Variants in PLCXD3 observed in about 807,000 individuals in gnomAD.
PLCXD3 encodes phosphatidylinositol specific phospholipase C X domain containing 3.
PLCXD3 carries 19 observed loss-of-function variants against 25.5 expected under a neutral mutation model. The observed-to-expected ratio is 0.75, with a 90% confidence interval of 0.52 to 1.09. The LOEUF (loss-of-function observed/expected upper bound fraction) is 1.09, where lower values mean the gene tolerates loss of function less well. Ranked by LOEUF, PLCXD3 falls within the 50% of genes least tolerant of loss-of-function variation. The pLI, the probability that PLCXD3 is intolerant of heterozygous loss-of-function variation, is 0.00. For missense variants in PLCXD3, 411 were observed against 388.1 expected (o/e 1.06, Z -0.50); for synonymous variants, 174 against 137.6 (o/e 1.26, Z -1.85).
intron 2 of PLCXD3, among the ~76,000 whole-genome samples, chr5:41,357,532 G>C (rs970369835): frequency 6.6e-6 from 1 of 152,088 alleles, no homozygotes; most frequent in African/African-American, 2.4e-5. Context: ...CAATTTTAGG[G>C]GCTACAGAAT....
chr5:41,316,341 A>G (rs1442588589), intron 2 of PLCXD3, among the ~76,000 whole-genome samples: 5 of 152,220 alleles, frequency 3.3e-5, no homozygotes, highest in Non-Finnish European at 5.9e-5. Context: ...CCTTGGCCCC[A>G]GATAACCAGC....
chr5:41,469,055 T>C (rs190564490), intron 1 of PLCXD3, among the ~76,000 whole-genome samples: 14 of 152,312 alleles, frequency 9.2e-5, no homozygotes, highest in Non-Finnish European at 1.5e-4. Flanking sequence ...ATTCCCTTTA[T>C]AGCTAATCTG....
intron 1 of PLCXD3, among the ~76,000 whole-genome samples, chr5:41,486,390 T>A (rs148279664): frequency 1.2e-4 from 19 of 152,218 alleles, no homozygotes; most frequent in Non-Finnish European, 2.5e-4. Flanking sequence ...AATGGGAAGA[T>A]TCTATCACTC....
chr5:41,504,041 A>G (rs1006067648), intron 1 of PLCXD3, among the ~76,000 whole-genome samples: 2 of 151,846 alleles, frequency 1.3e-5, no homozygotes, highest in Non-Finnish European at 2.9e-5. Flanking sequence ...GATGGGTCAG[A>G]GCACATCAAT....
At chr5:41,415,302 T>C (rs1746667958) in intron 1 of PLCXD3, among the ~76,000 whole-genome samples, 1 of 152,162 alleles carries the variant, frequency 6.6e-6, no homozygotes, top group Non-Finnish European at 1.5e-5. Context: ...AAGTTTTGTA[T>C]TTTACTGTGG....
chr5:41,472,631 C>T (rs957943940), intron 1 of PLCXD3, among the ~76,000 whole-genome samples: 1 of 152,196 alleles, frequency 6.6e-6, no homozygotes, highest in Non-Finnish European at 1.5e-5. Context: ...AACATCTCAT[C>T]TCAGAATAGG....
chr5:41,497,629 A>G (rs1294128933), intron 1 of PLCXD3, among the ~76,000 whole-genome samples: 1 of 151,936 alleles, frequency 6.6e-6, no homozygotes, highest in African/African-American at 2.4e-5. Context: ...AATCATCCAG[A>G]CAGAAAATCA....
At chr5:41,378,939 C>A (rs762062845) in intron 2 of PLCXD3, among the ~76,000 whole-genome samples, 3 of 151,972 alleles carry the variant, frequency 2.0e-5, no homozygotes, top group South Asian at 2.1e-4. Flanking sequence ...TGAGTAAATT[C>A]TTCTTCTTGG....
chr5:41,385,220 G>C (rs370332952), intron 1 of PLCXD3, among the ~76,000 whole-genome samples: 1 of 152,012 alleles, frequency 6.6e-6, no homozygotes. Context: ...CTTTGATCTT[G>C]AACTTTTCGG....
chr5:41,481,743 G>A (rs2150523015), intron 1 of PLCXD3, among the ~76,000 whole-genome samples: 1 of 152,340 alleles, frequency 6.6e-6, no homozygotes, highest in Non-Finnish European at 1.5e-5. Flanking sequence ...GTCAAAAGAA[G>A]GGAGAGAAGC....
intron 2 of PLCXD3, among the ~76,000 whole-genome samples, chr5:41,316,478 G>C (rs1159935480): frequency 6.6e-6 from 1 of 152,174 alleles, no homozygotes; most frequent in Non-Finnish European, 1.5e-5. Flanking sequence ...GAAAAGCAGA[G>C]AGAAAAGTAA....
In PLCXD3 at chr5:41,382,316, T is replaced by C. The variant is rs1364770130; in HGVS notation, c.322A>G (p.Asn108Asp). 1 of 1,613,554 alleles carries C rather than the reference T, an allele frequency of 6.2e-7. No individual in the cohort carries two copies. Residue 108 changes from asparagine to aspartate, a missense_variant, in exon 2 of 3, where the codon AAT becomes GAT. Transcript: ENST00000377801. ...AAACCATGAGCAAAATAGAGTTCAT[T>C]GTCGGGGTCTCTGGGCTTGGTGGAA... ...RISTKPRDPD[N>D]ELYFAHGLFS...
intron 2 of PLCXD3, among the ~76,000 whole-genome samples, chr5:41,359,795 C>A (rs1744723388): frequency 6.6e-6 from 1 of 152,000 alleles, no homozygotes; most frequent in Non-Finnish European, 1.5e-5. Context: ...CTTTAAATAA[C>A]CTGATGACTA....
intron 1 of PLCXD3, among the ~76,000 whole-genome samples, chr5:41,448,255 C>T (rs779597481): frequency 4.6e-5 from 7 of 152,126 alleles, no homozygotes; most frequent in Non-Finnish European, 7.4e-5. Context: ...AACCAGAAAC[C>T]CAGTTGACTT....
intron 2 of PLCXD3, among the ~76,000 whole-genome samples, chr5:41,363,346 T>A (rs1186152861): frequency 6.6e-6 from 1 of 152,222 alleles, no homozygotes; most frequent in Non-Finnish European, 1.5e-5. Flanking sequence ...AAATATCTAC[T>A]GCTTGATCCA....
Position 41,381,813 on chromosome 5 carries a change from T to G in PLCXD3, c.812+13A>C. On this transcript the variant is annotated intron_variant, in intron 2 of 2. Transcript: ENST00000377801. Reference sequence around the variant, plus strand: ...TATTTGAGGTTTCCCCCTGACATTTTAAAGACACTTACCTTTCTGTGATTG... The same window carrying G: ...TATTTGAGGTTTCCCCCTGACATTTGAAAGACACTTACCTTTCTGTGATTG... The G allele has an allele frequency of 8.2e-6, 13 of 1,581,570 alleles. No homozygotes were observed. The highest frequency in any genetic ancestry group is 1.0e-5 in the Non-Finnish European group (12 of 1,165,296).
chr5:41,342,420 T>A (rs1368391620), intron 2 of PLCXD3, among the ~76,000 whole-genome samples: 1 of 152,072 alleles, frequency 6.6e-6, no homozygotes, highest in Admixed American at 6.6e-5. Flanking sequence ...CTGTCAATAA[T>A]TAGATTTTAT....
intron 1 of PLCXD3, among the ~76,000 whole-genome samples, chr5:41,441,150 G>A (rs143733708): frequency 3.0e-4 from 45 of 152,018 alleles, no homozygotes; most frequent in African/African-American, 9.7e-4. Flanking sequence ...CTGGGCTTTC[G>A]GTACCTGAAA....
chr5:41,355,990 C>A (rs1744606209), intron 2 of PLCXD3, among the ~76,000 whole-genome samples: 1 of 152,008 alleles, frequency 6.6e-6, no homozygotes. Context: ...CTTTGTTACC[C>A]AATAACTTCT....
Sources: gnomAD v4.1 joint callset for allele counts (sites outside exome capture counted in the v4.1 genomes callset) on GRCh38, gnomAD v4.1.1 for gene constraint, MANE v1.5 for transcripts, NCBI Gene and HGNC (gene_info 2026-07-23, HGNC 2026-07-21) for gene names.